NOL4: variants seen among roughly 807,000 people sequenced by gnomAD.
The protein encoded by NOL4 is cancer/testis antigen 125.
A neutral mutation model predicts 75.9 loss-of-function variants in NOL4; 17 were observed. That is an observed-to-expected ratio of 0.22 (90% confidence interval 0.15 to 0.34). The LOEUF (loss-of-function observed/expected upper bound fraction) is 0.34. NOL4 is among the 10% of genes least tolerant of loss of function. The pLI is 1.00. For synonymous variants in NOL4, 292 were observed against 289.9 expected (o/e 1.01, Z -0.07); for missense variants, 614 against 793.5 (o/e 0.77, Z 2.72).
intron 9 of NOL4, among the ~76,000 whole-genome samples, chr18:33,921,098 A>T (rs1008840859): frequency 2.0e-5 from 3 of 152,188 alleles, no homozygotes; most frequent in African/African-American, 7.2e-5. Flanking sequence ...GGAAATGTCC[A>T]TCCTATGTCT....
At chr18:34,085,933 TCTC>T (rs1253989904) in intron 5 of NOL4, among the ~76,000 whole-genome samples, 2 of 152,046 alleles carry the variant, frequency 1.3e-5, no homozygotes, top group African/African-American at 4.8e-5. Flanking sequence ...ATAATCAAAA[TCTC>T]CTCCAATTCA....
chr18:34,125,982 G>A (rs1225919774), intron 2 of NOL4, among the ~76,000 whole-genome samples: 1 of 149,314 alleles, frequency 6.7e-6, no homozygotes, highest in Non-Finnish European at 1.5e-5. Context: ...AAAAAAAAAT[G>A]CCTGCATGAG....
intron 9 of NOL4, among the ~76,000 whole-genome samples, chr18:33,915,414 G>A (rs1229579220): frequency 3.3e-5 from 5 of 151,636 alleles, no homozygotes; most frequent in Admixed American, 6.6e-5. Context: ...TTTGCTTTTC[G>A]GTTTGTTTGC....
intron 5 of NOL4, among the ~76,000 whole-genome samples, chr18:34,093,103 T>A (rs533338117): frequency 3.9e-5 from 6 of 152,340 alleles, no homozygotes; most frequent in African/African-American, 1.4e-4. Context: ...TTTGATCATA[T>A]TTAAATGCTT....
chr18:33,861,594 C>A (rs144317089), intron 10 of NOL4, among the ~76,000 whole-genome samples: 19,922 of 151,976 alleles, frequency 0.13, 1,442 homozygotes, highest in Non-Finnish European at 0.17. Flanking sequence ...AATCAATGTA[C>A]AAAAATCAAA....
intron 10 of NOL4, among the ~76,000 whole-genome samples, chr18:33,860,448 G>A (rs2063058706): frequency 6.6e-6 from 1 of 152,168 alleles, no homozygotes; most frequent in African/African-American, 2.4e-5. Context: ...GTTTGTGCAA[G>A]TTAGTGATTG....
intron 9 of NOL4, among the ~76,000 whole-genome samples, chr18:33,913,441 G>A (rs941659502): frequency 2.0e-5 from 3 of 152,052 alleles, no homozygotes; most frequent in Non-Finnish European, 2.9e-5. Context: ...CCATCCTAAC[G>A]ATACTATATT....
chr18:33,925,473 T>C (rs1298398344), intron 9 of NOL4, among the ~76,000 whole-genome samples: 1 of 152,172 alleles, frequency 6.6e-6, no homozygotes, highest in Admixed American at 6.5e-5. Context: ...TCCTCACACA[T>C]ACAGAGACTC....
intron 5 of NOL4, among the ~76,000 whole-genome samples, chr18:34,056,022 T>C (rs1366804868): frequency 6.6e-6 from 1 of 152,218 alleles, no homozygotes; most frequent in Non-Finnish European, 1.5e-5. Context: ...ATACATTGTT[T>C]TCTGGATTTT....
At chr18:33,869,127 T>C (rs1475913578) in intron 10 of NOL4, among the ~76,000 whole-genome samples, 2 of 151,850 alleles carry the variant, frequency 1.3e-5, no homozygotes, top group Non-Finnish European at 2.9e-5. Flanking sequence ...CAAATTTTAC[T>C]GTAAGTAGAT....
chr18:33,940,165 C>T (rs1311760737), intron 9 of NOL4, among the ~76,000 whole-genome samples: 1 of 151,958 alleles, frequency 6.6e-6, no homozygotes, highest in East Asian at 1.9e-4. Context: ...GGATCTAGAA[C>T]CAGAAATACC....
intron 1 of NOL4, among the ~76,000 whole-genome samples, chr18:34,174,004 T>C (rs1264417630): frequency 5.9e-5 from 9 of 152,312 alleles, no homozygotes; most frequent in African/African-American, 1.9e-4. Flanking sequence ...ATTATTTCAA[T>C]TGAACTTTAA....
Position 34,105,174 on chromosome 18 carries a change from C to T in NOL4, c.415-14G>A, listed in dbSNP as rs372150600. On this transcript the variant is annotated splice_polypyrimidine_tract_variant and intron_variant, in intron 2 of 10. Transcript: ENST00000261592. ...GCTCTCTGAAATCTGAAATGATTCA[C>T]AAAATACAGGTGTTATTATATAAGC... 2.0e-6 allele frequency: 3 copies of T among 1,497,650 alleles called. No individual in the cohort carries two copies. The African/African-American group carries it at 4.1e-5, about 21-fold the overall frequency. 92.8% of individuals were successfully genotyped at this position (1,497,650 alleles called of 1,614,324 possible). A position where few individuals can be genotyped will look rare whatever the true frequency, so the allele number is the denominator to read the frequency against.
chr18:34,143,739 C>T (rs369914875), intron 1 of NOL4, among the ~76,000 whole-genome samples: 2 of 151,698 alleles, frequency 1.3e-5, no homozygotes, highest in Non-Finnish European at 2.9e-5. Context: ...GTGGCACGCA[C>T]CTGTAATCCC....
At position 34,159,256 on chromosome 18, in the gene NOL4, A is replaced by G. The variant is rs560063344; in HGVS notation, c.265-29236T>C. ...GGCGCCGCGCTCCGCGAGGGGGAGC[A>G]GTGCTCCCAACCCGCGACCCTCCGC... On this transcript the variant is annotated intron_variant, in intron 1 of 10. Transcript: ENST00000261592. 4.9e-4 allele frequency among the ~76,000 whole-genome samples: 74 copies of G among 152,198 alleles called. 1 individual carries two copies. The highest frequency in any genetic ancestry group is 2.6e-3 in the Admixed American group (40 of 15,298).
In NOL4 at chr18:33,958,395, G is replaced by C; in HGVS notation, c.1080C>G (p.Ser360Arg). The C allele has an allele frequency of 6.2e-7, 1 of 1,613,372 alleles. No individual in the cohort carries two copies. The highest frequency in any genetic ancestry group is 8.5e-7 in the Non-Finnish European group (1 of 1,179,550). ...CACTCTCATTTTTGCCAGAGTCATA[G>C]CTGGAGTAACTATGTGCAGGAGACT... ...GSKSPAHSYS[S>R]YDSGKNESVD... Residue 360 changes from serine (S) to arginine (R), a missense_variant, in exon 7 of 11, where the codon AGC becomes AGG. Ser to Arg is a moderately radical substitution (Grantham distance 110). Transcript: ENST00000261592.
At chr18:34,141,358 A>C (rs1162814310) in intron 1 of NOL4, among the ~76,000 whole-genome samples, 2 of 152,148 alleles carry the variant, frequency 1.3e-5, no homozygotes, top group African/African-American at 2.4e-5. Flanking sequence ...GGAACCAAAA[A>C]AGAGCCCGCA....
At chr18:34,064,457 C>G (rs2077185583) in intron 5 of NOL4, among the ~76,000 whole-genome samples, 1 of 151,936 alleles carries the variant, frequency 6.6e-6, no homozygotes, top group Non-Finnish European at 1.5e-5. Context: ...ACCCTCCATT[C>G]AGAAGTTCGT....
At chr18:34,066,349 T>A (rs919377596) in intron 5 of NOL4, among the ~76,000 whole-genome samples, 2 of 152,004 alleles carry the variant, frequency 1.3e-5, no homozygotes, top group African/African-American at 2.4e-5. Flanking sequence ...GTTTCTTATG[T>A]CCATTCTTAA....
Sources: allele counts gnomAD v4.1 joint callset (sites outside exome capture counted in the v4.1 genomes callset), GRCh38; gene constraint gnomAD v4.1.1; transcripts MANE v1.5; gene names NCBI Gene and HGNC (gene_info 2026-07-23, HGNC 2026-07-21).